The following TSNARE1 variants were observed in gnomAD, a reference collection of about 807,000 sequenced individuals.
TSNARE1 encodes t-SNARE domain-containing protein 1.
Under a neutral mutation model 62.0 loss-of-function variants are expected in TSNARE1, and 49 were observed. The observed-to-expected ratio is 0.79, with a 90% confidence interval of 0.63 to 1.00. The LOEUF (loss-of-function observed/expected upper bound fraction) is 1.00, where lower values mean the gene tolerates loss of function less well. TSNARE1 is among the 50% of genes least tolerant of loss of function. The pLI is 0.00. For synonymous variants in TSNARE1, 328 were observed against 294.4 expected (o/e 1.11, Z -1.17); for missense variants, 755 against 700.1 (o/e 1.08, Z -0.88).
At chr8:142,370,834 G>C (rs937009182) in intron 1 of TSNARE1, among the ~76,000 whole-genome samples, 5 of 147,236 alleles carry the variant, frequency 3.4e-5, no homozygotes, top group Non-Finnish European at 6.0e-5. Flanking sequence ...AGTGCTGGGA[G>C]GGAAAACAAA....
chr8:142,258,395 T>C (rs567233583), intron 12 of TSNARE1, among the ~76,000 whole-genome samples: 49 of 152,058 alleles, frequency 3.2e-4, no homozygotes, highest in Admixed American at 9.8e-4. Flanking sequence ...GAGTGCTTAC[T>C]GTATCTTGGA....
At chr8:142,379,205 G>T (rs1032739304) in intron 1 of TSNARE1, among the ~76,000 whole-genome samples, 1 of 152,226 alleles carries the variant, frequency 6.6e-6, no homozygotes, top group Non-Finnish European at 1.5e-5. Flanking sequence ...TGTATAGTGG[G>T]CATGCCTCAG....
intron 11 of TSNARE1, chr8:142,277,910 TCTC>T: frequency 1.0e-6 from 1 of 985,004 alleles, no homozygotes; most frequent in African/African-American, 1.7e-5. Context: ...GGCCCCTCCT[TCTC>T]AGCCCCACAC....
chr8:142,338,231 C>T (rs1055358778), intron 4 of TSNARE1, among the ~76,000 whole-genome samples: 1 of 152,378 alleles, frequency 6.6e-6, no homozygotes. Flanking sequence ...CGTCCCCCCA[C>T]GTCTCACTGC....
At chr8:142,367,926 T>C (rs1835670920) in intron 1 of TSNARE1, among the ~76,000 whole-genome samples, 1 of 152,054 alleles carries the variant, frequency 6.6e-6, no homozygotes, top group Non-Finnish European at 1.5e-5. Context: ...ATAAAAAGAA[T>C]ACACTCCAAA....
chr8:142,328,494 T>C (rs548581940), intron 6 of TSNARE1, among the ~76,000 whole-genome samples: 1 of 152,362 alleles, frequency 6.6e-6, no homozygotes, highest in Non-Finnish European at 1.5e-5. Context: ...GGGATAAATA[T>C]TCTTGCCTTT....
chr8:142,240,018 T>C (rs866729181), intron 12 of TSNARE1, among the ~76,000 whole-genome samples: 2 of 152,120 alleles, frequency 1.3e-5, no homozygotes, highest in South Asian at 2.1e-4. Flanking sequence ...TCCCCATATA[T>C]CAATAATGGA....
At chr8:142,294,387 T>C (rs1824329252) in intron 10 of TSNARE1, among the ~76,000 whole-genome samples, 1 of 152,212 alleles carries the variant, frequency 6.6e-6, no homozygotes, top group Non-Finnish European at 1.5e-5. Flanking sequence ...CGGACTAGTT[T>C]GCAAAGCACT....
chr8:142,214,968 C>T (rs1436294104), intron 13 of TSNARE1, among the ~76,000 whole-genome samples: 5 of 152,198 alleles, frequency 3.3e-5, no homozygotes, highest in African/African-American at 7.2e-5. Context: ...GACCCCTCAC[C>T]GACAAGGGCT....
intron 9 of TSNARE1, 102 bp downstream of exon 9, chr8:142,314,282 C>T: frequency 1.8e-6 from 2 of 1,138,650 alleles, no homozygotes; most frequent in South Asian, 2.8e-5. Context: ...CAGATGACAC[C>T]CCTGCCCTTG....
At chr8:142,317,766 T>C (rs1828810177) in intron 7 of TSNARE1, among the ~76,000 whole-genome samples, 1 of 152,106 alleles carries the variant, frequency 6.6e-6, no homozygotes, top group Non-Finnish European at 1.5e-5. Context: ...GAGACCAGCC[T>C]GAGCAACATG....
At chr8:142,374,513 C>A (rs139911574) in intron 1 of TSNARE1, among the ~76,000 whole-genome samples, 2 of 151,482 alleles carry the variant, frequency 1.3e-5, no homozygotes, top group Admixed American at 6.6e-5. Context: ...CCCGTCTCTA[C>A]TAAAAATACA....
At chr8:142,271,785 C>T in intron 12 of TSNARE1, 1 of 833,894 alleles carries the variant, frequency 1.2e-6, no homozygotes, top group Non-Finnish European at 1.6e-6. Flanking sequence ...CCATGTGAGG[C>T]CTCTGCACCT....
At position 142,273,370 on chromosome 8, in the gene TSNARE1, G is replaced by A. The variant is rs185214502; in HGVS notation, c.1446+1411C>T. ...AGTTTCCAGCGAGTCCACCTTGCCC[G>A]TCACCAGGCGTCACCTTCTGCCCAT... On this transcript the variant is annotated intron_variant, in intron 12 of 13. Transcript: ENST00000524325. 1,085 of 985,382 alleles carry A rather than the reference G, an allele frequency of 1.1e-3. 10 individuals are homozygous for A. The African/African-American group carries it at 0.017, about 15-fold the overall frequency. The allele number at this position is 985,382 out of a possible 1,614,324, so 61.0% of individuals were successfully genotyped here.
intron 12 of TSNARE1, among the ~76,000 whole-genome samples, chr8:142,239,652 G>C (rs1470885698): frequency 6.6e-6 from 1 of 152,232 alleles, no homozygotes; most frequent in African/African-American, 2.4e-5. Context: ...TTCCATCCTG[G>C]ACTTAACAGG....
At chr8:142,364,109 G>GC (rs1563988256) in intron 1 of TSNARE1, among the ~76,000 whole-genome samples, 2 of 152,146 alleles carry the variant, frequency 1.3e-5, no homozygotes. Context: ...GGTACCTGGC[G>GC]CCCCATGGCT....
intron 2 of TSNARE1, among the ~76,000 whole-genome samples, chr8:142,351,058 C>T (rs1000897186): frequency 2.2e-4 from 34 of 152,156 alleles, no homozygotes; most frequent in Non-Finnish European, 3.8e-4. Flanking sequence ...TTTAGAGACA[C>T]GCTGAAATAT....
At chr8:142,347,057 C>A (rs1236673333) in intron 2 of TSNARE1, among the ~76,000 whole-genome samples, 1 of 152,254 alleles carries the variant, frequency 6.6e-6, no homozygotes, top group African/African-American at 2.4e-5. Context: ...AAAGGGCCTC[C>A]AGTGCCCAGC....
chr8:142,362,319 T>C (rs1011652901), intron 1 of TSNARE1, among the ~76,000 whole-genome samples: 20 of 152,292 alleles, frequency 1.3e-4, no homozygotes, highest in African/African-American at 4.3e-4. Context: ...CTGACTCCCT[T>C]ACCTGGCCTC....
Sources: allele counts gnomAD v4.1 joint callset (sites outside exome capture counted in the v4.1 genomes callset), GRCh38; gene constraint gnomAD v4.1.1; transcripts MANE v1.5; gene names NCBI Gene and HGNC (gene_info 2026-07-23, HGNC 2026-07-21).